RNF150: variants seen among roughly 807,000 people sequenced by gnomAD.
RNF150 encodes ring finger protein 150.
In RNF150, 24 loss-of-function variants were observed where a neutral mutation model predicts 39.3. The observed-to-expected ratio is 0.61, with a 90% CI of 0.44 to 0.86. The LOEUF (loss-of-function observed/expected upper bound fraction) is 0.86, where lower values mean the gene tolerates loss of function less well. Among genes scored for constraint, RNF150 ranks in the 40% least tolerant of loss-of-function variants. The pLI, the probability that RNF150 is intolerant of heterozygous loss-of-function variation, is 0.00. For missense variants in RNF150, 502 were observed against 587.8 expected (o/e 0.85, Z 1.51); for synonymous variants, 255 against 227.3 (o/e 1.12, Z -1.10).
intron 1 of RNF150, among the ~76,000 whole-genome samples, chr4:141,177,604 AAGG>A (rs1231704414): frequency 6.6e-6 from 1 of 152,090 alleles, no homozygotes; most frequent in Non-Finnish European, 1.5e-5. Context: ...AATTTTTCTT[AAGG>A]AGAATTTCCA....
chr4:141,102,440 G>A (rs1739045083), intron 1 of RNF150, among the ~76,000 whole-genome samples: 1 of 152,166 alleles, frequency 6.6e-6, no homozygotes, highest in Admixed American at 6.5e-5. Flanking sequence ...TACTCAAGAA[G>A]TGAGTCACCA....
chr4:141,145,589 G>A (rs112476212), intron 1 of RNF150, among the ~76,000 whole-genome samples: 4,443 of 152,274 alleles, frequency 0.029, 91 homozygotes, highest in Non-Finnish European at 0.045. Context: ...AATAAGTTCT[G>A]TAGGCTCACC....
At chr4:141,076,041 T>TA (rs1737882932) in intron 1 of RNF150, among the ~76,000 whole-genome samples, 1 of 152,224 alleles carries the variant, frequency 6.6e-6, no homozygotes, top group African/African-American at 2.4e-5. Context: ...ATAATTTCAA[T>TA]AAAAATGTAT....
chr4:141,003,403 C>A (rs930494801), intron 1 of RNF150, among the ~76,000 whole-genome samples: 7 of 152,238 alleles, frequency 4.6e-5, no homozygotes, highest in Non-Finnish European at 2.9e-5. Context: ...AGACTGTTTG[C>A]CAAAGTCCAT....
At chr4:141,054,589 T>C (rs932514558) in intron 1 of RNF150, among the ~76,000 whole-genome samples, 1 of 152,118 alleles carries the variant, frequency 6.6e-6, no homozygotes, top group Admixed American at 6.6e-5. Context: ...GTGCTATGAA[T>C]TGGCCTTTTA....
chr4:141,155,904 G>A (rs1727386946), intron 1 of RNF150, among the ~76,000 whole-genome samples: 1 of 142,168 alleles, frequency 7.0e-6, no homozygotes, highest in African/African-American at 2.6e-5. Flanking sequence ...ACAGGTTTCT[G>A]TTTAACTCTT....
At chr4:140,933,589 G>T (rs1731731256) in intron 4 of RNF150, among the ~76,000 whole-genome samples, 1 of 152,144 alleles carries the variant, frequency 6.6e-6, no homozygotes, top group Admixed American at 6.6e-5. Context: ...GATATGTATG[G>T]GTTGAAATGT....
At chr4:141,206,467 C>T (rs2111224651) in intron 1 of RNF150, among the ~76,000 whole-genome samples, 1 of 144,780 alleles carries the variant, frequency 6.9e-6, no homozygotes, top group East Asian at 2.1e-4. Flanking sequence ...ACACCAAGTT[C>T]AAAAAGATTG....
At chr4:140,907,116 T>C (rs1482648734) in intron 6 of RNF150, among the ~76,000 whole-genome samples, 1 of 152,182 alleles carries the variant, frequency 6.6e-6, no homozygotes, top group South Asian at 2.1e-4. Flanking sequence ...TAAGGAACTT[T>C]TTTCCCCTGT....
chr4:141,010,806 G>A (rs1735048824), intron 1 of RNF150, among the ~76,000 whole-genome samples: 1 of 152,054 alleles, frequency 6.6e-6, no homozygotes, highest in East Asian at 1.9e-4. Context: ...GAGGCTGCCT[G>A]GGCCCTGACA....
chr4:141,087,142 C>A (rs1738398091), intron 1 of RNF150, among the ~76,000 whole-genome samples: 1 of 152,064 alleles, frequency 6.6e-6, no homozygotes, highest in Non-Finnish European at 1.5e-5. Context: ...CTTCCTCCCA[C>A]CCTCCCCCTC....
chr4:141,148,940 G>A (rs949031587), intron 1 of RNF150, among the ~76,000 whole-genome samples: 1 of 152,144 alleles, frequency 6.6e-6, no homozygotes, highest in African/African-American at 2.4e-5. Context: ...CCTGGCTTTT[G>A]GTAGTCCATC....
chr4:141,063,705 T>C (rs1578685365), intron 1 of RNF150, among the ~76,000 whole-genome samples: 2 of 152,160 alleles, frequency 1.3e-5, no homozygotes, highest in African/African-American at 4.8e-5. Flanking sequence ...ACTAATTATT[T>C]AGAACATACT....
chr4:140,984,197 G>A (rs546982652), intron 1 of RNF150, among the ~76,000 whole-genome samples: 1 of 152,210 alleles, frequency 6.6e-6, no homozygotes, highest in African/African-American at 2.4e-5. Flanking sequence ...ATCTTGAGGA[G>A]TGAAATAGCA....
intron 2 of RNF150, among the ~76,000 whole-genome samples, chr4:140,952,417 G>A (rs906908199): frequency 6.6e-6 from 1 of 152,194 alleles, no homozygotes. Context: ...CTTCTTAAAT[G>A]TGGGCATGTA....
Position 141,132,685 on chromosome 4 carries a change from C to T in RNF150, c.124G>A (p.Ala42Thr), listed in dbSNP as rs1216754231. Residue 42 changes from alanine to threonine, a missense_variant, in exon 1 of 7, where the codon GCC (alanine) becomes ACC (threonine). Physicochemically the swap from Ala to Thr is moderately conservative, Grantham distance 58 (BLOSUM62 0). Coordinates refer to ENST00000515673, the MANE Select transcript of RNF150 (RefSeq NM_020724.2). This position sits in a 1 kb window ranked among gnomAD's most constrained non-coding sequence, Gnocchi z 4.9. Reference protein sequence around the residue: ...TVAEKEEWYTAFVNITYAEPA... With the variant: ...TVAEKEEWYTTFVNITYAEPA... ...TCGGCGTAGGTGATGTTCACGAAGG[C>T]GGTGTACCATTCCTCCTTCTCGGCC... 6.2e-7 allele frequency: 1 copy of T among 1,608,916 alleles called. No individual in the cohort carries two copies. Among genetic ancestry groups the T allele is most frequent in the Non-Finnish European group, 8.5e-7 (1 of 1,178,124 alleles).
At chr4:141,028,596 A>G (rs1312690228) in intron 1 of RNF150, among the ~76,000 whole-genome samples, 1 of 152,198 alleles carries the variant, frequency 6.6e-6, no homozygotes, top group Non-Finnish European at 1.5e-5. Context: ...AGAAAGCATC[A>G]GTGTAGTATG....
chr4:141,011,249 A>G (rs1350675613), intron 1 of RNF150, among the ~76,000 whole-genome samples: 2 of 150,662 alleles, frequency 1.3e-5, no homozygotes, highest in Non-Finnish European at 3.0e-5. Context: ...AGACTAATTC[A>G]AAAGTAAAAA....
intron 6 of RNF150, among the ~76,000 whole-genome samples, chr4:140,869,891 C>T (rs1055866039): frequency 1.4e-5 from 2 of 145,690 alleles, no homozygotes; most frequent in African/African-American, 4.9e-5. Context: ...TGCATAAAGG[C>T]AGCTTTCAAC....
Sources: gnomAD v4.1 joint callset for allele counts (sites outside exome capture counted in the v4.1 genomes callset) on GRCh38, gnomAD v4.1.1 for gene constraint, Gnocchi (gnomAD v3.1) non-coding constraint, MANE v1.5 for transcripts, NCBI Gene and HGNC (gene_info 2026-07-23, HGNC 2026-07-21) for gene names.